The following KIAA0825 variants were observed in gnomAD, a reference collection of about 807,000 sequenced individuals.
The protein encoded by KIAA0825 is KIAA0825, also known as uncharacterized protein KIAA0825.
In KIAA0825, 119 loss-of-function variants were observed where a neutral mutation model predicts 147.6. The ratio of observed to expected loss-of-function variants is 0.81; its 90% confidence interval spans 0.69 to 0.94. KIAA0825 has a LOEUF of 0.94. Ranked by LOEUF, KIAA0825 falls within the 40% of genes least tolerant of loss-of-function variation. The pLI is 0.00. For missense variants in KIAA0825, 1,381 were observed against 1,472.7 expected, an observed-to-expected ratio of 0.94 and a Z score of 1.02; for synonymous variants, 470 against 518.1, an observed-to-expected ratio of 0.91 and a Z score of 1.26.
At chr5:94,481,677 C>G (rs1003171184) in intron 6 of KIAA0825, among the ~76,000 whole-genome samples, 1 of 152,016 alleles carries the variant, frequency 6.6e-6, no homozygotes, top group Non-Finnish European at 1.5e-5. Flanking sequence ...TAACTACATA[C>G]GCCTCCCTAA....
chr5:94,509,328 C>G (rs1766161197), intron 5 of KIAA0825, among the ~76,000 whole-genome samples: 1 of 152,178 alleles, frequency 6.6e-6, no homozygotes, highest in Non-Finnish European at 1.5e-5. Context: ...AAAACAAACT[C>G]ACATTGGTTC....
rs1038453187 is a variant in KIAA0825 at position 94,524,076 on chromosome 5, T to C, written c.154A>G (p.Ile52Val). The change falls in exon 4 of 21, where the codon ATA becomes GTA. Residue 52 changes from isoleucine to valine, a missense_variant. Transcript: ENST00000682413. The stretch of plus-strand genomic sequence containing the variant: ...CATTGTTTGTTAATTTCGGACTGTA[T>C]CTCTTTAATGCAATGTTTTATGCTA... ...AASIKHCIKEIQSEINKQCPG... is the reference protein window; with the variant it reads ...AASIKHCIKEVQSEINKQCPG... The C allele has an allele frequency of 6.2e-7, 1 of 1,608,534 alleles. No individual in the cohort carries two copies. The highest frequency in any genetic ancestry group is 1.1e-5 in the South Asian group (1 of 90,482).
At chr5:94,209,664 T>G (rs1772523924) in intron 20 of KIAA0825, among the ~76,000 whole-genome samples, 4 of 152,204 alleles carry the variant, frequency 2.6e-5, no homozygotes, top group African/African-American at 7.2e-5. Flanking sequence ...TTTATTTTTC[T>G]TCTAAGCTTT....
chr5:94,444,636 G>T (rs1193822705), intron 13 of KIAA0825, among the ~76,000 whole-genome samples: 2 of 152,082 alleles, frequency 1.3e-5, no homozygotes, highest in African/African-American at 4.8e-5. Context: ...ATAGGTGGTA[G>T]AAGAATGTAA....
intron 20 of KIAA0825, among the ~76,000 whole-genome samples, chr5:94,362,216 A>G (rs1212141056): frequency 2.0e-5 from 3 of 152,192 alleles, no homozygotes; most frequent in African/African-American, 7.2e-5. Flanking sequence ...GGGTCGGATG[A>G]GGCCAAGGAC....
intron 1 of KIAA0825, among the ~76,000 whole-genome samples, chr5:94,614,565 C>T (rs1342513925): frequency 6.6e-6 from 1 of 152,128 alleles, no homozygotes; most frequent in African/African-American, 2.4e-5. Context: ...GACCTAGGTA[C>T]TATTTCTGTT....
intron 5 of KIAA0825, among the ~76,000 whole-genome samples, chr5:94,493,102 C>T (rs1307833046): frequency 1.3e-5 from 2 of 152,144 alleles, no homozygotes; most frequent in East Asian, 3.9e-4. Context: ...CTGGCTGAGG[C>T]CCTCTGCCTT....
intron 1 of KIAA0825, among the ~76,000 whole-genome samples, chr5:94,603,794 G>A (rs1786967667): frequency 6.6e-6 from 1 of 152,136 alleles, no homozygotes; most frequent in African/African-American, 2.4e-5. Context: ...TGACAAAAGA[G>A]ACTTCAAACG....
intron 1 of KIAA0825, among the ~76,000 whole-genome samples, chr5:94,583,889 C>G (rs1024784821): frequency 3.3e-5 from 5 of 152,260 alleles, no homozygotes; most frequent in East Asian, 1.9e-4. Context: ...CACAGGCGAA[C>G]AGGATCTGGA....
intron 20 of KIAA0825, among the ~76,000 whole-genome samples, chr5:94,261,978 A>C (rs1776516772): frequency 6.6e-6 from 1 of 152,140 alleles, no homozygotes; most frequent in South Asian, 2.1e-4. Flanking sequence ...AAATACTAAT[A>C]AATATGAGTA....
chr5:94,204,853 G>A lies in KIAA0825; in HGVS notation c.3711-50729C>T, dbSNP rs1772010454. Among the ~76,000 whole-genome samples, 3 of 152,192 alleles carry A rather than the reference G, an allele frequency of 2.0e-5. No individual in the cohort carries two copies. In the South Asian group the frequency reaches 6.2e-4, roughly 32 times the overall value. On this transcript the variant is annotated intron_variant, in intron 20 of 20. Coordinates refer to ENST00000682413, the MANE Select transcript of KIAA0825 (RefSeq NM_001145678.3). ...CTGGTGAACATCTTTCCAGACACCT[G>A]TAATACTAAGACAAAGGGATGGAAA...
intron 2 of KIAA0825, among the ~76,000 whole-genome samples, chr5:94,548,155 C>T (rs1392055502): frequency 6.6e-6 from 1 of 152,072 alleles, no homozygotes; most frequent in Non-Finnish European, 1.5e-5. Context: ...GTAAATTACT[C>T]ATATCTTAAA....
intron 2 of KIAA0825, among the ~76,000 whole-genome samples, chr5:94,574,543 CAAAAAAAAAAAAA>C (rs1181241238): frequency 7.6e-5 from 5 of 65,530 alleles, no homozygotes; most frequent in Non-Finnish European, 1.3e-4. Flanking sequence ...GACTCCATCT[CAAAAAAAAAAAAA>C]AAAAAAAAAG....
intron 3 of KIAA0825, among the ~76,000 whole-genome samples, chr5:94,527,592 A>T (rs1164564208): frequency 2.6e-5 from 4 of 151,656 alleles, no homozygotes; most frequent in Non-Finnish European, 5.9e-5. Flanking sequence ...CCCAAAATTT[A>T]AAAAAAAATT....
At chr5:94,361,439 T>C (rs1283990858) in intron 20 of KIAA0825, among the ~76,000 whole-genome samples, 1 of 152,186 alleles carries the variant, frequency 6.6e-6, no homozygotes, top group East Asian at 1.9e-4. Context: ...ATGAAAAACA[T>C]ATTAGCAAAC....
chr5:94,402,611 A>T (rs1266600223), intron 16 of KIAA0825, among the ~76,000 whole-genome samples: 10 of 151,864 alleles, frequency 6.6e-5, no homozygotes, highest in Admixed American at 6.6e-4. Flanking sequence ...AGAATGAAAG[A>T]AAGGCTAGTC....
intron 15 of KIAA0825, among the ~76,000 whole-genome samples, chr5:94,404,740 A>G (rs1419143371): frequency 6.6e-6 from 1 of 152,184 alleles, no homozygotes; most frequent in Non-Finnish European, 1.5e-5. Flanking sequence ...CATTTTTCAT[A>G]TTAAATTAAC....
intron 20 of KIAA0825, 119 bp downstream of exon 20, chr5:94,384,249 A>G: frequency 1.5e-6 from 1 of 688,958 alleles, no homozygotes; most frequent in South Asian, 2.0e-5. Flanking sequence ...CCTGCTGATA[A>G]AATGTTTTCA....
intron 5 of KIAA0825, among the ~76,000 whole-genome samples, chr5:94,509,944 C>T (rs539676645): frequency 4.7e-4 from 72 of 152,206 alleles, no homozygotes; most frequent in African/African-American, 1.7e-3. Flanking sequence ...TTTTACTGCA[C>T]TACAAAAAGA....
Sources: allele counts gnomAD v4.1 joint callset (sites outside exome capture counted in the v4.1 genomes callset), GRCh38; gene constraint gnomAD v4.1.1; transcripts MANE v1.5; gene names NCBI Gene and HGNC (gene_info 2026-07-23, HGNC 2026-07-21).